The following THSD7B variants were observed in gnomAD, a reference collection of about 807,000 sequenced individuals.
THSD7B encodes the protein thrombospondin type 1 domain containing 7B.
THSD7B carries 138 observed loss-of-function variants against 213.6 expected under a neutral mutation model. The observed-to-expected ratio is 0.65, with a 90% CI of 0.56 to 0.74. The LOEUF (loss-of-function observed/expected upper bound fraction) is 0.74, where lower values mean the gene tolerates loss of function less well. Ranked by LOEUF, THSD7B falls within the 30% of genes least tolerant of loss-of-function variation. The pLI, the probability that THSD7B is intolerant of heterozygous loss-of-function variation, is 0.00. For missense variants in THSD7B, 1,931 were observed against 1,991.5 expected (o/e 0.97, Z 0.58); for synonymous variants, 742 against 687.0 (o/e 1.08, Z -1.25).
chr2:137,358,188 T>C (rs536858603), intron 12 of THSD7B, among the ~76,000 whole-genome samples: 46 of 152,240 alleles, frequency 3.0e-4, no homozygotes, highest in Non-Finnish European at 5.6e-4. Context: ...TTTTGTTTGC[T>C]TGTTTGGTTT....
chr2:137,484,048 T>A (rs992558184), intron 15 of THSD7B, among the ~76,000 whole-genome samples: 1 of 151,950 alleles, frequency 6.6e-6, no homozygotes, highest in African/African-American at 2.4e-5. Context: ...ACTTTAAGTT[T>A]TAGGGTACAT....
At chr2:137,545,589 C>G (rs768588308) in intron 15 of THSD7B, among the ~76,000 whole-genome samples, 1 of 151,916 alleles carries the variant, frequency 6.6e-6, no homozygotes, top group African/African-American at 2.4e-5. Context: ...TGCTGCCCAT[C>G]TCCTAAATTG....
At chr2:137,427,290 G>A (rs1687080239) in intron 14 of THSD7B, among the ~76,000 whole-genome samples, 1 of 151,970 alleles carries the variant, frequency 6.6e-6, no homozygotes, top group African/African-American at 2.4e-5. Context: ...CAACTTTGTG[G>A]TATAATTCCC....
chr2:137,389,402 A>ATTTTT lies in THSD7B; in HGVS notation c.2501-16188_2501-16184dup, dbSNP rs70978214. On this transcript the variant is annotated intron_variant, in intron 12 of 27. Coordinates refer to ENST00000409968, the MANE Select transcript of THSD7B (RefSeq NM_001316349.2). ...GATAGTTTGACCACTTCTTAATGTGATTTTTTTTTTTTTTTTTTTTTTTTT... is the reference window on the plus strand; with the variant it reads ...GATAGTTTGACCACTTCTTAATGTGATTTTTTTTTTTTTTTTTTTTTTTTTTTTTT... 1.1e-4 allele frequency among the ~76,000 whole-genome samples: 4 copies of ATTTTT among 38,052 alleles called. 1 individual carries two copies. Among genetic ancestry groups the ATTTTT allele is most frequent in the African/African-American group, 3.5e-4 (3 of 8,640 alleles). The allele number at this position is 38,052 out of a possible 152,430, so 25.0% of individuals were successfully genotyped here.
At chr2:137,358,813 A>C (rs1033773585) in intron 12 of THSD7B, among the ~76,000 whole-genome samples, 2 of 152,160 alleles carry the variant, frequency 1.3e-5, no homozygotes, top group Non-Finnish European at 2.9e-5. Context: ...TGGCTATTTC[A>C]CCATGGCTTT....
chr2:137,616,089 A>G (rs1682379771), intron 17 of THSD7B, 86 bp from the exon 18 acceptor site: 1 of 1,362,528 alleles, frequency 7.3e-7, no homozygotes. Flanking sequence ...ATATTGTTAC[A>G]TATGTGCCTA....
intron 1 of THSD7B, among the ~76,000 whole-genome samples, chr2:136,845,586 T>G (rs1682995564): frequency 6.6e-6 from 1 of 152,140 alleles, no homozygotes; most frequent in East Asian, 1.9e-4. Flanking sequence ...GTACAAGTCA[T>G]TGTTTAAATA....
At chr2:136,850,719 T>C (rs1157818608) in intron 1 of THSD7B, among the ~76,000 whole-genome samples, 4 of 151,982 alleles carry the variant, frequency 2.6e-5, no homozygotes, top group Non-Finnish European at 5.9e-5. Flanking sequence ...TAAGCAAAAA[T>C]AATTATTTTA....
intron 20 of THSD7B, among the ~76,000 whole-genome samples, chr2:137,629,561 T>C (rs570114212): frequency 6.6e-6 from 1 of 152,304 alleles, no homozygotes; most frequent in South Asian, 2.1e-4. Flanking sequence ...TCTAGGCAAC[T>C]ATAGTCTGAG....
intron 10 of THSD7B, among the ~76,000 whole-genome samples, chr2:137,248,453 C>G (rs1215542385): frequency 6.6e-6 from 1 of 152,158 alleles, no homozygotes; most frequent in Non-Finnish European, 1.5e-5. Context: ...CTTCCCCAGT[C>G]AGTTCTAATG....
chr2:137,469,793 CG>C (rs1688058591), intron 15 of THSD7B, among the ~76,000 whole-genome samples: 1 of 152,056 alleles, frequency 6.6e-6, no homozygotes, highest in Middle Eastern at 3.2e-3. Context: ...CAAAGAGCAC[CG>C]GTTGTTTCTC....
chr2:137,331,607 A>C (rs942805362), intron 12 of THSD7B, among the ~76,000 whole-genome samples: 1 of 152,148 alleles, frequency 6.6e-6, no homozygotes. Flanking sequence ...CCATGTGCTC[A>C]CACTCCTCAG....
chr2:137,287,289 T>C (rs1573935696), intron 12 of THSD7B, among the ~76,000 whole-genome samples: 1 of 152,118 alleles, frequency 6.6e-6, no homozygotes, highest in African/African-American at 2.4e-5. Context: ...CAGGTTAAAA[T>C]GTAGAAATTA....
At position 137,058,042 on chromosome 2, in the gene THSD7B, A is replaced by G. The variant is rs895584120; in HGVS notation, c.950+812A>G. On this transcript the variant is annotated intron_variant, in intron 3 of 27. Transcript: ENST00000409968. ...GCCTTTCAATAGTACTTAAATTACC[A>G]AACAACATAATGCTTGTCTTTAGAA... 7.2e-5 allele frequency among the ~76,000 whole-genome samples: 11 copies of G among 152,332 alleles called. No individual in the cohort carries two copies. The East Asian group carries it at 2.1e-3, about 29-fold the overall frequency.
intron 15 of THSD7B, among the ~76,000 whole-genome samples, chr2:137,464,015 T>G (rs547125037): frequency 2.0e-5 from 3 of 152,180 alleles, no homozygotes; most frequent in African/African-American, 7.2e-5. Flanking sequence ...GGGTTGTAAA[T>G]CAGGGTTGAT....
intron 9 of THSD7B, among the ~76,000 whole-genome samples, chr2:137,241,077 T>C (rs1681888196): frequency 2.6e-5 from 4 of 152,214 alleles, no homozygotes; most frequent in Admixed American, 2.6e-4. Flanking sequence ...TTTGGGTCCA[T>C]TACTTATTTC....
chr2:137,191,601 C>T (rs1680660424), intron 7 of THSD7B, among the ~76,000 whole-genome samples: 1 of 152,008 alleles, frequency 6.6e-6, no homozygotes, highest in African/African-American at 2.4e-5. Context: ...TTATTTAACA[C>T]TATTCCATCA....
chr2:136,813,946 A>G (rs1218442912), intron 1 of THSD7B, among the ~76,000 whole-genome samples: 1 of 152,194 alleles, frequency 6.6e-6, no homozygotes, highest in African/African-American at 2.4e-5. Flanking sequence ...AAAGTAGCAC[A>G]GTGACTTGTT....
intron 2 of THSD7B, among the ~76,000 whole-genome samples, chr2:136,892,560 C>T (rs1034280561): frequency 6.0e-5 from 9 of 150,990 alleles, no homozygotes; most frequent in Admixed American, 5.3e-4. Context: ...AACATTTAGT[C>T]CCCAGTATTT....
Sources: allele counts gnomAD v4.1 joint callset (sites outside exome capture counted in the v4.1 genomes callset), GRCh38; gene constraint gnomAD v4.1.1; transcripts MANE v1.5; gene names NCBI Gene and HGNC (gene_info 2026-07-23, HGNC 2026-07-21).